BIK: variants seen among roughly 807,000 people sequenced by gnomAD.
BIK encodes bcl-2-interacting killer.
BIK carries 14 observed loss-of-function variants against 12.1 expected under a neutral mutation model. That is an observed-to-expected ratio of 1.16 (90% CI 0.77 to 1.81). The LOEUF (loss-of-function observed/expected upper bound fraction) is 1.81. BIK is among the 40% of genes most tolerant of loss of function. BIK has a pLI of 0.00. For missense variants in BIK, 215 were observed against 207.9 expected, an observed-to-expected ratio of 1.03 and a Z score of -0.21; for synonymous variants, 86 against 92.3, an observed-to-expected ratio of 0.93 and a Z score of 0.39.
At position 43,129,119 on chromosome 22, in the gene BIK, C is replaced by T. The variant is rs549655147; in HGVS notation, c.391-94C>T. The T allele has an allele frequency of 2.0e-5, 32 of 1,591,994 alleles. No homozygotes were observed. In the South Asian group the frequency reaches 2.6e-4, roughly 13 times the overall value. The stretch of plus-strand genomic sequence containing the variant: ...CCTCGAGCTCCTTCCCAGTCCCCAC[C>T]CTCCTGGGCTTCCCCTTGGCACTCC... On this transcript the variant is annotated intron_variant, in intron 4 of 4. Coordinates refer to ENST00000216115, the MANE Select transcript of BIK (RefSeq NM_001197.5).
chr22:43,123,974 C>G, intron 1 of BIK, 42 bp from the exon 2 acceptor site: 1 of 1,603,422 alleles, frequency 6.2e-7, no homozygotes, highest in Middle Eastern at 1.7e-4. Flanking sequence ...CCAGACTGCT[C>G]AGTTCTTAGG....
At position 43,128,562 on chromosome 22, in the gene BIK, C is replaced by T. The variant is rs374946287; in HGVS notation, c.327C>T (p.Asp109=). ...GGGATGTTCTTAGAAGTTTCATGGA[C>T]GGTTTCACCACACTTAAGGAGAACA... The part of the protein sequence containing the change: ...DIRDVLRSFM[D]GFTTLKENIM... The change falls in exon 4 of 5, where the codon GAC becomes GAT. Residue 109 remains aspartate, a synonymous_variant. Coordinates refer to ENST00000216115, the MANE Select transcript of BIK (RefSeq NM_001197.5). The T allele has an allele frequency of 4.4e-5, 71 of 1,613,878 alleles. 1 individual carries two copies. The South Asian group carries it at 4.6e-4, about 10-fold the overall frequency.
Position 43,117,965 on chromosome 22 carries a change from G to A in BIK, c.-7-6051G>A, listed in dbSNP as rs115766249. 4.2e-3 allele frequency among the ~76,000 whole-genome samples: 637 copies of A among 152,170 alleles called. 8 individuals carry two copies. Among genetic ancestry groups the A allele is most frequent in the African/African-American group, 0.014 (579 of 41,520 alleles). The stretch of plus-strand genomic sequence containing the variant: ...TGGGATTACAGGTGTAAGCCACCGC[G>A]GCTGGCCCATTTCATATATTTTTAA... On this transcript the variant is annotated intron_variant, in intron 1 of 4. Coordinates refer to ENST00000216115, the MANE Select transcript of BIK (RefSeq NM_001197.5).
intron 1 of BIK, among the ~76,000 whole-genome samples, chr22:43,119,018 T>TCACCAAATGTAGGCTGCTCTGTC (rs1930170725): frequency 1.3e-5 from 2 of 151,928 alleles, no homozygotes; most frequent in East Asian, 3.9e-4. Flanking sequence ...GCAGAGCTGT[T>TCACCAAATGTAGGCTGCTCTGTC]CACCAAATGT....
At position 43,129,387 on chromosome 22, in the gene BIK, T is replaced by C; in HGVS notation, c.*82T>C. ...TGGCGGCCTGCTGCTGTTATCTTTTTAACTGTTTTCTCATGATGCCTTTTT... is the reference window on the plus strand; with the variant it reads ...TGGCGGCCTGCTGCTGTTATCTTTTCAACTGTTTTCTCATGATGCCTTTTT... On this transcript the variant is annotated 3_prime_UTR_variant, in exon 5 of 5. Transcript: ENST00000216115. 9 of 1,498,800 alleles carry C rather than the reference T, an allele frequency of 6.0e-6. No homozygotes were observed. The highest frequency in any genetic ancestry group is 7.1e-6 in the Non-Finnish European group (8 of 1,132,588). The allele number at this position is 1,498,800 out of a possible 1,614,324, so 92.8% of individuals were successfully genotyped here.
chr22:43,116,631 G>T (rs969316472), intron 1 of BIK, among the ~76,000 whole-genome samples: 25 of 151,954 alleles, frequency 1.6e-4, no homozygotes, highest in Non-Finnish European at 2.9e-4. Flanking sequence ...GCTAATTTTT[G>T]TATTTTTAGT....
At chr22:43,116,693 G>A (rs1212075865) in intron 1 of BIK, among the ~76,000 whole-genome samples, 2 of 151,966 alleles carry the variant, frequency 1.3e-5, no homozygotes, top group South Asian at 2.1e-4. Context: ...TCCTGACCTC[G>A]TGATCCGCCC....
chr22:43,123,985 G>T (rs545344269), intron 1 of BIK, 31 bp from the exon 2 acceptor site: 1 of 1,611,132 alleles, frequency 6.2e-7, no homozygotes, highest in South Asian at 1.1e-5. Flanking sequence ...AGTTCTTAGG[G>T]GTCCAGTCAT....
At chr22:43,122,797 G>C (rs1930243977) in intron 1 of BIK, among the ~76,000 whole-genome samples, 1 of 152,140 alleles carries the variant, frequency 6.6e-6, no homozygotes, top group South Asian at 2.1e-4. Flanking sequence ...CCTCAGGCCT[G>C]GCCGCTCTCT....
At chr22:43,118,029 CGTT>C (rs1380622093) in intron 1 of BIK, among the ~76,000 whole-genome samples, 2 of 152,036 alleles carry the variant, frequency 1.3e-5, no homozygotes, top group Non-Finnish European at 2.9e-5. Context: ...GAGGGGGTCT[CGTT>C]GTATTGCCCA....
intron 1 of BIK, among the ~76,000 whole-genome samples, chr22:43,113,197 C>T (rs1930044399): frequency 6.6e-6 from 1 of 152,068 alleles, no homozygotes; most frequent in African/African-American, 2.4e-5. Flanking sequence ...TAGGGAGACT[C>T]TCTGTCAAAA....
chr22:43,128,544 T>A lies in BIK; in HGVS notation c.309T>A (p.Val103=), dbSNP rs745671864. Reference sequence around the variant, plus strand: ...ACCAGACTGAGGACATCAGGGATGTTCTTAGAAGTTTCATGGACGGTTTCA... The same window carrying A: ...ACCAGACTGAGGACATCAGGGATGTACTTAGAAGTTTCATGGACGGTTTCA... ...IYDQTEDIRD[V]LRSFMDGFTT... Residue 103 remains valine (V), a synonymous_variant, in exon 4 of 5, where the codon GTT becomes GTA. Coordinates refer to ENST00000216115, the MANE Select transcript of BIK (RefSeq NM_001197.5). The A allele has an allele frequency of 1.2e-6, 2 of 1,613,826 alleles. No individual in the cohort carries two copies. The highest frequency in any genetic ancestry group is 1.7e-6 in the Non-Finnish European group (2 of 1,179,710).
At chr22:43,120,295 C>T (rs1449857358) in intron 1 of BIK, among the ~76,000 whole-genome samples, 1 of 152,234 alleles carries the variant, frequency 6.6e-6, no homozygotes, top group African/African-American at 2.4e-5. Context: ...TCAAGTGATT[C>T]TCCTGCCTCA....
At chr22:43,114,407 A>C (rs1418930022) in intron 1 of BIK, among the ~76,000 whole-genome samples, 1 of 152,060 alleles carries the variant, frequency 6.6e-6, no homozygotes, top group African/African-American at 2.4e-5. Context: ...GGTTCAGGTG[A>C]TTCTCCTGCC....
intron 1 of BIK, among the ~76,000 whole-genome samples, chr22:43,112,567 G>C (rs1930032245): frequency 6.6e-6 from 1 of 150,870 alleles, no homozygotes. Flanking sequence ...CCCTATGCCT[G>C]GCCCTTTTTT....
intron 1 of BIK, among the ~76,000 whole-genome samples, chr22:43,118,704 C>T (rs1367487697): frequency 2.6e-5 from 4 of 152,136 alleles, no homozygotes; most frequent in African/African-American, 7.2e-5. Flanking sequence ...CTGACCCTCT[C>T]GGTTTGCCTG....
intron 1 of BIK, among the ~76,000 whole-genome samples, chr22:43,122,516 A>C (rs562315892): frequency 6.6e-6 from 1 of 152,282 alleles, no homozygotes; most frequent in African/African-American, 2.4e-5. Context: ...CTAGGCCATT[A>C]GATTTCCGTG....
At chr22:43,111,115 C>T (rs560125045) in intron 1 of BIK, among the ~76,000 whole-genome samples, 1 of 152,296 alleles carries the variant, frequency 6.6e-6, no homozygotes, top group African/African-American at 2.4e-5. Flanking sequence ...GCCCCATCGC[C>T]GCCGCACAGT....
intron 2 of BIK, among the ~76,000 whole-genome samples, chr22:43,124,412 T>C (rs1930276401): frequency 6.6e-6 from 1 of 152,122 alleles, no homozygotes; most frequent in African/African-American, 2.4e-5. Context: ...ACAGCCAGCA[T>C]GTTCACAGTC....
Sources: gnomAD v4.1 joint callset for allele counts (sites outside exome capture counted in the v4.1 genomes callset) on GRCh38, gnomAD v4.1.1 for gene constraint, MANE v1.5 for transcripts, NCBI Gene and HGNC (gene_info 2026-07-23, HGNC 2026-07-21) for gene names.